The following TMOD1 variants were observed in gnomAD, a reference collection of about 807,000 sequenced individuals.
The protein encoded by TMOD1 is tropomodulin-1.
A neutral mutation model predicts 40.6 loss-of-function variants in TMOD1; 17 were observed. The ratio of observed to expected loss-of-function variants is 0.42; its 90% CI spans 0.29 to 0.63. The LOEUF is 0.63. Among genes scored for constraint, TMOD1 ranks in the 20% least tolerant of loss-of-function variants. The probability of loss-of-function intolerance (pLI) is 0.22; values close to 1 mark genes in which losing one functional copy is unlikely to be tolerated. For missense variants in TMOD1, 391 were observed against 447.6 expected (o/e 0.87, Z 1.14); for synonymous variants, 181 against 175.0 (o/e 1.03, Z -0.27).
chr9:97,544,254 T>G (rs1830322085), intron 2 of TMOD1, among the ~76,000 whole-genome samples: 1 of 152,158 alleles, frequency 6.6e-6, no homozygotes, highest in Non-Finnish European at 1.5e-5. Flanking sequence ...ATGCATTAGT[T>G]AGGCCAGATG....
At chr9:97,573,377 A>T (rs993989169) in intron 8 of TMOD1, among the ~76,000 whole-genome samples, 1 of 152,190 alleles carries the variant, frequency 6.6e-6, no homozygotes, top group Non-Finnish European at 1.5e-5. Flanking sequence ...GACAATGAGG[A>T]TGTGCTTAAT....
chr9:97,562,567 A>G (rs1830656821), intron 4 of TMOD1, among the ~76,000 whole-genome samples, 165 bp from the exon 5 acceptor site: 1 of 152,230 alleles, frequency 6.6e-6, no homozygotes, highest in Non-Finnish European at 1.5e-5. Context: ...TTTCAGAGTC[A>G]CATCAATAGA....
chr9:97,584,553 C>T (rs1425600012), intron 8 of TMOD1, among the ~76,000 whole-genome samples: 1 of 151,976 alleles, frequency 6.6e-6, no homozygotes, highest in Non-Finnish European at 1.5e-5. Context: ...TCCTGGGTAT[C>T]CTTGTTGACT....
rs183688585 is a variant in TMOD1, at chr9:97,600,021, T to C, written c.*323T>C. ...AGGAGCCCAGTTTCAATGGCCTTGC[T>C]GTGTGGTGTTTCAAGTGCATTTAAA... On this transcript the variant is annotated 3_prime_UTR_variant, in exon 10 of 10. Transcript: ENST00000259365. 3.5e-6 allele frequency: 4 copies of C among 1,132,160 alleles called. No homozygotes were observed. The highest frequency in any genetic ancestry group is 8.1e-5 in the Admixed American group (2 of 24,680). 70.1% of individuals were successfully genotyped at this position (1,132,160 alleles called of 1,614,324 possible).
At chr9:97,593,924 G>A (rs1433231572) in intron 9 of TMOD1, among the ~76,000 whole-genome samples, 1 of 152,056 alleles carries the variant, frequency 6.6e-6, no homozygotes, top group Non-Finnish European at 1.5e-5. Flanking sequence ...AGTTCACAAA[G>A]TAGGAAGGGA....
At chr9:97,582,922 GAAATAC>G (rs1825787909) in intron 8 of TMOD1, among the ~76,000 whole-genome samples, 1 of 151,194 alleles carries the variant, frequency 6.6e-6, no homozygotes, top group Admixed American at 6.6e-5. Flanking sequence ...GGGTTTTCTA[GAAATAC>G]AATCATGTCG....
In TMOD1 at chr9:97,563,331, G is replaced by A. The variant is rs192415135; in HGVS notation, c.487+510G>A. Among the ~76,000 whole-genome samples, 63 of 152,316 alleles carry A rather than the reference G, an allele frequency of 4.1e-4. No individual in the cohort carries two copies. In the East Asian group the frequency reaches 0.011, roughly 28 times the overall value. ...GCCTCCCAAAGTGCTGGGATTACAG[G>A]CATGAGCCACCACACCTGGCCTTAT... On this transcript the variant is annotated intron_variant, in intron 5 of 9. Transcript: ENST00000259365.
chr9:97,528,268 G>A (rs904906672), intron 2 of TMOD1, among the ~76,000 whole-genome samples: 2 of 152,138 alleles, frequency 1.3e-5, no homozygotes, highest in African/African-American at 4.8e-5. Context: ...ACGGAGACTC[G>A]GATTTCAAAC....
chr9:97,508,684 G>T (rs919870908), intron 1 of TMOD1, among the ~76,000 whole-genome samples: 8 of 152,144 alleles, frequency 5.3e-5, no homozygotes, highest in Admixed American at 5.2e-4. Context: ...GTAAATCCTG[G>T]CTCTACCACT....
chr9:97,529,534 T>TA (rs546481120), intron 2 of TMOD1, among the ~76,000 whole-genome samples: 246 of 138,770 alleles, frequency 1.8e-3, no homozygotes, highest in East Asian at 4.4e-3. Flanking sequence ...TTGTGCACGT[T>TA]AAAAAAAAAA....
At chr9:97,595,727 AAGTGGGACTGCTGG>A (rs1826096741) in intron 9 of TMOD1, among the ~76,000 whole-genome samples, 1 of 152,098 alleles carries the variant, frequency 6.6e-6, no homozygotes, top group Non-Finnish European at 1.5e-5. Context: ...AAATATCCAG[AAGTGGGACTGCTGG>A]ATCCCAAATC....
At chr9:97,533,029 G>A (rs113912735) in intron 2 of TMOD1, among the ~76,000 whole-genome samples, 3,892 of 152,268 alleles carry the variant, frequency 0.026, 74 homozygotes, top group African/African-American at 0.046. Context: ...AATTGTTGCC[G>A]GTATGAGAGT....
intron 4 of TMOD1, among the ~76,000 whole-genome samples, chr9:97,561,262 C>A (rs1362721983): frequency 6.6e-6 from 1 of 152,182 alleles, no homozygotes; most frequent in African/African-American, 2.4e-5. Flanking sequence ...AAAAGACACC[C>A]GAACTCCTTA....
chr9:97,539,993 A>G (rs899212302), intron 2 of TMOD1, among the ~76,000 whole-genome samples: 1 of 151,030 alleles, frequency 6.6e-6, no homozygotes, highest in African/African-American at 2.4e-5. Context: ...AAAAAAAAGA[A>G]AAGAAAAAAA....
In TMOD1 at chr9:97,524,130, C is replaced by A; in HGVS notation, c.-48-11C>A. 2 of 1,567,926 alleles carry A rather than the reference C, an allele frequency of 1.3e-6. No homozygotes were observed. The highest frequency in any genetic ancestry group is 1.9e-5 in the Admixed American group (1 of 52,034). On this transcript the variant is annotated splice_polypyrimidine_tract_variant and intron_variant, in intron 1 of 9. Transcript: ENST00000259365. ...AGACGGGTCTTTCTAAGGTTCTTGT[C>A]TTTCTGGTAGGTATTACTCAGCACA...
At chr9:97,538,648 C>T (rs1156538657) in intron 2 of TMOD1, among the ~76,000 whole-genome samples, 1 of 152,074 alleles carries the variant, frequency 6.6e-6, no homozygotes. Context: ...TAGACCTTCC[C>T]CTCCATTTAG....
At chr9:97,598,717 T>C (rs1162562506) in intron 9 of TMOD1, among the ~76,000 whole-genome samples, 1 of 152,180 alleles carries the variant, frequency 6.6e-6, no homozygotes, top group African/African-American at 2.4e-5. Context: ...ACAAGCTGAT[T>C]TGGTTTTTGT....
intron 7 of TMOD1, among the ~76,000 whole-genome samples, chr9:97,567,954 G>A (rs746481161): frequency 5.9e-5 from 9 of 152,090 alleles, no homozygotes; most frequent in Admixed American, 2.0e-4. Context: ...CCTCCATGAC[G>A]CATCGTTTCC....
chr9:97,544,950 A>C (rs1830337866), intron 2 of TMOD1, among the ~76,000 whole-genome samples: 1 of 150,812 alleles, frequency 6.6e-6, no homozygotes, highest in Admixed American at 6.6e-5. Context: ...CAGAGGTTGC[A>C]GTGAGCCGAG....
Sources: gnomAD v4.1 joint callset for allele counts (sites outside exome capture counted in the v4.1 genomes callset) on GRCh38, gnomAD v4.1.1 for gene constraint, MANE v1.5 for transcripts, NCBI Gene and HGNC (gene_info 2026-07-23, HGNC 2026-07-21) for gene names.